Variants in PGR observed in about 807,000 individuals in gnomAD.
The protein encoded by PGR is nuclear receptor subfamily 3 group C member 3.
Under a neutral mutation model 76.1 loss-of-function variants are expected in PGR, and 25 were observed. The ratio of observed to expected loss-of-function variants is 0.33; its 90% CI spans 0.24 to 0.46. The LOEUF (loss-of-function observed/expected upper bound fraction) is 0.46. Among genes scored for constraint, PGR ranks in the 20% least tolerant of loss-of-function variants. The probability of loss-of-function intolerance (pLI) is 1.00; values close to 1 mark genes in which losing one functional copy is unlikely to be tolerated. For missense variants in PGR, 1,172 were observed against 1,225.3 expected (o/e 0.96, Z 0.65); for synonymous variants, 579 against 535.0 (o/e 1.08, Z -1.14).
chr11:101,110,294 C>T (rs540473186), intron 2 of PGR, among the ~76,000 whole-genome samples: 3 of 152,148 alleles, frequency 2.0e-5, no homozygotes, highest in Non-Finnish European at 2.9e-5. Context: ...TTTTAGAAAG[C>T]GTTCATCATT....
At chr11:101,057,644 G>A (rs994196636) in intron 4 of PGR, among the ~76,000 whole-genome samples, 2 of 152,220 alleles carry the variant, frequency 1.3e-5, no homozygotes, top group East Asian at 1.9e-4. Flanking sequence ...ACTAAGTCAG[G>A]GAAGTAGCAA....
At chr11:101,054,093 T>G (rs1185081566) in intron 4 of PGR, among the ~76,000 whole-genome samples, 3 of 152,224 alleles carry the variant, frequency 2.0e-5, no homozygotes, top group African/African-American at 7.2e-5. Context: ...GCTTGCTTTT[T>G]AGCCCTTCAG....
intron 4 of PGR, among the ~76,000 whole-genome samples, chr11:101,055,092 A>G (rs923314060): frequency 6.6e-6 from 1 of 152,046 alleles, no homozygotes; most frequent in Admixed American, 6.6e-5. Flanking sequence ...GTGTGTTGTT[A>G]TATATAACAA....
rs1043774067 is a variant in PGR, at chr11:101,034,912, T to C, written c.*4204A>G. 4 of 184,988 alleles carry C rather than the reference T, an allele frequency of 2.2e-5. No individual in the cohort carries two copies. Among genetic ancestry groups the C allele is most frequent in the African/African-American group, 9.4e-5 (4 of 42,608 alleles). The allele number at this position is 184,988 out of a possible 1,614,324, so 11.5% of individuals were successfully genotyped here. A position where few individuals can be genotyped will look rare whatever the true frequency, so the allele number is the denominator to read the frequency against. ...ACAGATGCTAGGGAGAAACAGAGATTGTTGTTTTCACTCAGCCATGAATAA... is the reference window on the plus strand; with the variant it reads ...ACAGATGCTAGGGAGAAACAGAGATCGTTGTTTTCACTCAGCCATGAATAA... On this transcript the variant is annotated 3_prime_UTR_variant, in exon 8 of 8. Coordinates refer to ENST00000325455, the MANE Select transcript of PGR (RefSeq NM_000926.4).
chr11:101,127,879 C>G lies in PGR; in HGVS notation c.1192G>C (p.Ala398Pro), dbSNP rs747217871. 6.2e-7 allele frequency: 1 copy of G among 1,602,458 alleles called. No individual in the cohort carries two copies. Among genetic ancestry groups the G allele is most frequent in the Non-Finnish European group, 8.5e-7 (1 of 1,177,632 alleles). ...ACAAGGTAGGAACGCGGGGAGCGCG[C>G]GGAGGCCTCCGCGCCTTCCTCCTCC... is the stretch of plus-strand genomic sequence containing the variant. ...KEEEEGAEAS[A>P]RSPRSYLVAG... The change falls in exon 1 of 8, where the codon GCG becomes CCG. Residue 398 changes from alanine to proline, a missense_variant. By Grantham distance (27) the Ala-to-Pro change is conservative. Around this residue, in one of 4 missense-constraint regions of PGR, gnomAD observed 893 missense variants for 785.9 expected, o/e 1.14. Transcript: ENST00000325455.
chr11:101,075,502 G>A (rs1053939950), intron 3 of PGR, among the ~76,000 whole-genome samples: 1 of 151,680 alleles, frequency 6.6e-6, no homozygotes, highest in African/African-American at 2.4e-5. Flanking sequence ...CTTCTGCACA[G>A]CAAAAGAAAC....
chr11:101,112,758 A>G (rs1354049123), intron 2 of PGR, among the ~76,000 whole-genome samples: 1 of 151,854 alleles, frequency 6.6e-6, no homozygotes, highest in Non-Finnish European at 1.5e-5. Context: ...GCAAGTATCT[A>G]CTCTCCCTGA....
rs767253833 is a variant in PGR at position 101,127,841 on chromosome 11, G to A, written c.1230C>T (p.Asn410=). The A allele has an allele frequency of 5.3e-5, 84 of 1,585,980 alleles. No individual in the cohort carries two copies. Among genetic ancestry groups the A allele is most frequent in the Non-Finnish European group, 6.9e-5 (81 of 1,172,446 alleles). ...ACGGGAAATCCGGGAAGGCTGCGGG[G>A]TTGGCACCGGCCACAAGGTAGGAAC... ...SPRSYLVAGA[N]PAAFPDFPLG... Residue 410 remains asparagine (N), a synonymous_variant, in exon 1 of 8, where the codon AAC becomes AAT. Transcript: ENST00000325455.
intron 7 of PGR, 166 bp downstream of exon 7, chr11:101,041,779 G>GAAAA: frequency 1.2e-5 from 7 of 603,124 alleles, no homozygotes; most frequent in Admixed American, 3.0e-5. Context: ...TATTGAAAAT[G>GAAAA]AAAAAAAAAC....
At chr11:101,090,387 G>C (rs965796171) in intron 3 of PGR, among the ~76,000 whole-genome samples, 1 of 152,202 alleles carries the variant, frequency 6.6e-6, no homozygotes, top group Admixed American at 6.5e-5. Flanking sequence ...TGGAATCTAA[G>C]TGTCAGCATT....
rs1862965349 is a variant in PGR, at chr11:101,128,427, T to A, written c.644A>T (p.Gln215Leu). 2 of 1,610,682 alleles carry A rather than the reference T, an allele frequency of 1.2e-6. No homozygotes were observed. Among genetic ancestry groups the A allele is most frequent in the Non-Finnish European group, 8.5e-7 (1 of 1,179,798 alleles). The change falls in exon 1 of 8, where the codon CAG becomes CTG. Residue 215 changes from glutamine to leucine, a missense_variant. Gln to Leu is a moderately radical substitution (Grantham distance 113). Coordinates refer to ENST00000325455, the MANE Select transcript of PGR (RefSeq NM_000926.4). ...CTCCTCAACCTCCACCGCAGCGGCC[T>A]GCGGAGACGGCTTCACTGGGGCCCC... is the stretch of plus-strand genomic sequence containing the variant. The part of the protein sequence containing the change: ...WSGAPVKPSP[Q>L]AAAVEVEEED...
intron 3 of PGR, among the ~76,000 whole-genome samples, chr11:101,074,886 T>C (rs906521461): frequency 2.4e-4 from 36 of 152,260 alleles, no homozygotes; most frequent in Middle Eastern, 6.8e-3. Flanking sequence ...ATCATGAAAA[T>C]GGCCATACTG....
chr11:101,056,747 T>A (rs1860309849), intron 4 of PGR, among the ~76,000 whole-genome samples: 1 of 151,436 alleles, frequency 6.6e-6, no homozygotes, highest in African/African-American at 2.4e-5. Context: ...CTGTAAAAAA[T>A]GTCATGTAAT....
At chr11:101,119,628 T>TA (rs984213475) in intron 2 of PGR, among the ~76,000 whole-genome samples, 6 of 152,042 alleles carry the variant, frequency 3.9e-5, no homozygotes, top group Admixed American at 3.9e-4. Context: ...GAGTGCTTTT[T>TA]AAAAAAAGGT....
chr11:101,062,639 T>C lies in PGR; in HGVS notation c.2020A>G (p.Thr674Ala), dbSNP rs1327187778. The change falls in exon 4 of 8, where the codon ACT (threonine) becomes GCT (alanine). Residue 674 changes from threonine (T) to alanine (A), a missense_variant. Around this residue, in one of 4 missense-constraint regions of PGR, gnomAD observed 73 missense variants for 60.7 expected, o/e 1.20. Coordinates refer to ENST00000325455, the MANE Select transcript of PGR (RefSeq NM_000926.4). ...NESQALSQRF[T>A]FSPGQDIQLI... ...TGTATGTCTTGACCTGGTGAAAAAG[T>C]GAATCTCTGGCTTAGGGCTTGGCTT... is the stretch of plus-strand genomic sequence containing the variant. 4 of 1,613,942 alleles carry C rather than the reference T, an allele frequency of 2.5e-6. No individual in the cohort carries two copies. Among genetic ancestry groups the C allele is most frequent in the Non-Finnish European group, 3.4e-6 (4 of 1,179,958 alleles).
At chr11:101,117,043 A>G (rs935726806) in intron 2 of PGR, among the ~76,000 whole-genome samples, 5 of 152,180 alleles carry the variant, frequency 3.3e-5, no homozygotes, top group African/African-American at 1.2e-4. Flanking sequence ...TCTCAGTATT[A>G]TAAATAATGT....
At chr11:101,054,336 A>T (rs1265664894) in intron 4 of PGR, among the ~76,000 whole-genome samples, 1 of 152,172 alleles carries the variant, frequency 6.6e-6, no homozygotes, top group Non-Finnish European at 1.5e-5. Context: ...CAGCCAAAAA[A>T]ATTTTTGGTA....
rs369471546 is a variant in PGR at position 101,127,725 on chromosome 11, G to C, written c.1346C>G (p.Ser449Trp). 3.2e-6 allele frequency: 5 copies of C among 1,585,992 alleles called. No homozygotes were observed. Among genetic ancestry groups the C allele is most frequent in the Non-Finnish European group, 4.3e-6 (5 of 1,174,810 alleles). Reference protein sequence around the residue: ...VTAAPASASVSSASSSGSTLE... With the variant: ...VTAAPASASVWSASSSGSTLE... ...GGTCGACCCCGAGGAGGACGCAGAC[G>C]AGACTGAGGCACTGGCGGGTGCGGC... Residue 449 changes from serine (S) to tryptophan (W), a missense_variant, in exon 1 of 8, where the codon TCG (serine) becomes TGG (tryptophan). By Grantham distance (177) the Ser-to-Trp change is radical. Coordinates refer to ENST00000325455, the MANE Select transcript of PGR (RefSeq NM_000926.4).
chr11:101,046,899 C>T (rs1015421362), intron 6 of PGR, among the ~76,000 whole-genome samples: 1 of 152,062 alleles, frequency 6.6e-6, no homozygotes, highest in African/African-American at 2.4e-5. Context: ...TTAACAGCAG[C>T]TTTCTAATTC....
Sources: allele counts gnomAD v4.1 joint callset (sites outside exome capture counted in the v4.1 genomes callset), GRCh38; gene constraint gnomAD v4.1.1; regional missense constraint gnomAD v4.1.1; transcripts MANE v1.5; gene names NCBI Gene and HGNC (gene_info 2026-07-23, HGNC 2026-07-21).